The following ITPR2 variants were observed in gnomAD, a reference collection of about 807,000 sequenced individuals.
ITPR2 encodes the protein inositol 1,4,5-trisphosphate-gated calcium channel ITPR2.
In ITPR2, 207 loss-of-function variants were observed where a neutral mutation model predicts 317.1. The observed-to-expected ratio is 0.65, with a 90% confidence interval of 0.58 to 0.73. ITPR2 has a LOEUF of 0.73. Ranked by LOEUF, ITPR2 falls within the 30% of genes least tolerant of loss-of-function variation. The probability of loss-of-function intolerance (pLI) is 0.00; values close to 1 mark genes in which losing one functional copy is unlikely to be tolerated. For missense variants in ITPR2, 2,613 were observed against 3,284.0 expected (o/e 0.80, Z 4.99); for synonymous variants, 1,156 against 1,149.1 (o/e 1.01, Z -0.12).
At chr12:26,720,405 G>T (rs964955528) in intron 5 of ITPR2, among the ~76,000 whole-genome samples, 1 of 152,124 alleles carries the variant, frequency 6.6e-6, no homozygotes, top group Non-Finnish European at 1.5e-5. Flanking sequence ...AAGAAAATCA[G>T]TAGTAGTTGA....
intron 37 of ITPR2, among the ~76,000 whole-genome samples, chr12:26,546,943 A>G (rs1944405105): frequency 6.6e-6 from 1 of 152,208 alleles, no homozygotes; most frequent in African/African-American, 2.4e-5. Context: ...GAAACGATAA[A>G]AATACTGGAA....
At chr12:26,438,912 G>C (rs1472008148) in intron 47 of ITPR2, among the ~76,000 whole-genome samples, 1 of 152,208 alleles carries the variant, frequency 6.6e-6, no homozygotes, top group Admixed American at 6.5e-5. Flanking sequence ...AAGAGTCGAT[G>C]TAATTAGTTA....
intron 2 of ITPR2, among the ~76,000 whole-genome samples, chr12:26,736,755 T>C (rs1411817406): frequency 6.6e-6 from 1 of 152,216 alleles, no homozygotes; most frequent in Non-Finnish European, 1.5e-5. Flanking sequence ...GCCGCCATTT[T>C]AGGCTGATTC....
chr12:26,480,782 G>T (rs888134631), intron 43 of ITPR2, among the ~76,000 whole-genome samples: 1 of 152,180 alleles, frequency 6.6e-6, no homozygotes, highest in East Asian at 1.9e-4. Flanking sequence ...GGAGGTTGCA[G>T]TGAGCCGAGA....
At chr12:26,539,628 C>A (rs1944203007) in intron 37 of ITPR2, among the ~76,000 whole-genome samples, 1 of 152,160 alleles carries the variant, frequency 6.6e-6, no homozygotes. Context: ...TGAGCTCACA[C>A]CATAACTGTG....
intron 54 of ITPR2, 65 bp downstream of exon 54, chr12:26,398,811 C>T: frequency 7.3e-7 from 1 of 1,373,840 alleles, no homozygotes; most frequent in East Asian, 2.4e-5. Context: ...ATAAAAATCC[C>T]TCTAGCCCCT....
intron 6 of ITPR2, 111 bp from the exon 7 acceptor site, chr12:26,715,946 A>C: frequency 1.2e-6 from 1 of 803,468 alleles, no homozygotes. Flanking sequence ...ATAATGAAGT[A>C]TATAGCTCAA....
chr12:26,725,128 A>G (rs1948898292), intron 3 of ITPR2, among the ~76,000 whole-genome samples: 1 of 152,188 alleles, frequency 6.6e-6, no homozygotes, highest in East Asian at 1.9e-4. Context: ...TTCTTTTAAA[A>G]TTACTTTAAG....
chr12:26,573,460 G>A (rs1449440566), intron 34 of ITPR2, among the ~76,000 whole-genome samples: 1 of 152,126 alleles, frequency 6.6e-6, no homozygotes, highest in Admixed American at 6.6e-5. Context: ...ATGCTAAAGG[G>A]GGGTGGGGCA....
chr12:26,774,122 G>A (rs1163286998), intron 2 of ITPR2, among the ~76,000 whole-genome samples: 2 of 150,600 alleles, frequency 1.3e-5, no homozygotes, highest in Non-Finnish European at 2.9e-5. Context: ...ACATGGAGAA[G>A]TTTTTGTCTT....
At chr12:26,457,823 C>G (rs1941928169) in intron 45 of ITPR2, among the ~76,000 whole-genome samples, 2 of 152,194 alleles carry the variant, frequency 1.3e-5, no homozygotes, top group Admixed American at 6.5e-5. Context: ...TTCACTTTCT[C>G]CTTCTGCAAG....
intron 4 of ITPR2, among the ~76,000 whole-genome samples, chr12:26,723,447 G>A (rs932655974): frequency 1.3e-5 from 2 of 152,040 alleles, no homozygotes; most frequent in Admixed American, 6.6e-5. Context: ...CCTGCGCTTC[G>A]GGTACTTGAC....
intron 21 of ITPR2, among the ~76,000 whole-genome samples, chr12:26,643,586 A>C (rs1947041330): frequency 6.6e-6 from 1 of 152,194 alleles, no homozygotes; most frequent in South Asian, 2.1e-4. Context: ...AGAAATATGG[A>C]TGGTAAAGGT....
At chr12:26,715,553 T>G (rs1219340245) in intron 7 of ITPR2, 108 bp from the exon 8 acceptor site, 46 of 946,650 alleles carry the variant, frequency 4.9e-5, no homozygotes, top group Admixed American at 1.4e-4. Context: ...CTTTTAAAGC[T>G]TATTTAAATT....
chr12:26,504,271 T>A (rs1450112088), intron 37 of ITPR2, among the ~76,000 whole-genome samples: 1 of 152,244 alleles, frequency 6.6e-6, no homozygotes, highest in African/African-American at 2.4e-5. Context: ...GTGGAAAGGC[T>A]GTGCTTCCTA....
intron 54 of ITPR2, among the ~76,000 whole-genome samples, chr12:26,388,849 GC>G (rs1336870918): frequency 1.3e-5 from 2 of 152,080 alleles, no homozygotes; most frequent in African/African-American, 4.8e-5. Flanking sequence ...AGCTCAGCAT[GC>G]CCAAATAAAC....
chr12:26,570,828 C>A (rs1945139630), intron 34 of ITPR2, among the ~76,000 whole-genome samples: 1 of 152,156 alleles, frequency 6.6e-6, no homozygotes, highest in Non-Finnish European at 1.5e-5. Context: ...AGCAATTGAC[C>A]AAGTGCATTA....
chr12:26,360,315 G>T (rs951001881), intron 55 of ITPR2, among the ~76,000 whole-genome samples: 23 of 152,178 alleles, frequency 1.5e-4, no homozygotes, highest in Admixed American at 1.0e-3. Flanking sequence ...CTTCGAGAGG[G>T]AAGTTCATCT....
rs368028993 is a variant in ITPR2, at chr12:26,494,192, G to A, written c.5331C>T (p.Leu1777=). ...TTCCTCCTTCAAGCAAGGCAATGCC[G>A]AGGAAAATGCCTTCTGAAAAAATTC... is the stretch of plus-strand genomic sequence containing the variant. ...NDRIFSEGIF[L]GIALLEGGNT... is the part of the protein sequence containing the mutation. Residue 1777 remains leucine, a synonymous_variant, in exon 39 of 57, where the codon CTC becomes CTT. Coordinates refer to ENST00000381340, the MANE Select transcript of ITPR2 (RefSeq NM_002223.4). 20 of 1,613,016 alleles carry A rather than the reference G, an allele frequency of 1.2e-5. No homozygotes were observed. Among genetic ancestry groups the A allele is most frequent in the Non-Finnish European group, 1.4e-5 (16 of 1,179,548 alleles).
Sources: allele counts gnomAD v4.1 joint callset (sites outside exome capture counted in the v4.1 genomes callset), GRCh38; gene constraint gnomAD v4.1.1; transcripts MANE v1.5; gene names NCBI Gene and HGNC (gene_info 2026-07-23, HGNC 2026-07-21).